The following ROPN1 variants were observed in gnomAD, a reference collection of about 807,000 sequenced individuals.
ROPN1 encodes ropporin-1A.
Under a neutral mutation model 20.5 loss-of-function variants are expected in ROPN1, and 14 were observed. The observed-to-expected ratio is 0.68, with a 90% confidence interval of 0.45 to 1.07. The LOEUF (loss-of-function observed/expected upper bound fraction) is 1.07. ROPN1 is among the 50% of genes least tolerant of loss of function. The pLI is 0.00. For missense variants in ROPN1, 169 were observed against 242.8 expected (o/e 0.70, Z 2.02); for synonymous variants, 76 against 95.7 (o/e 0.79, Z 1.20).
At chr3:123,976,820 A>T in intron 3 of ROPN1, 44 bp downstream of exon 3, 1 of 1,579,884 alleles carries the variant, frequency 6.3e-7, no homozygotes, top group Non-Finnish European at 8.6e-7. Flanking sequence ...CCCAGCCTCA[A>T]CACTGTCCCT....
intron 5 of ROPN1, among the ~76,000 whole-genome samples, chr3:123,969,726 C>T (rs1010863692): frequency 1.3e-5 from 2 of 152,206 alleles, no homozygotes; most frequent in African/African-American, 4.8e-5. Flanking sequence ...TACACAGATT[C>T]CTGGGCTCTG....
intron 1 of ROPN1, among the ~76,000 whole-genome samples, chr3:123,986,226 G>T (rs1467509812): frequency 6.6e-6 from 1 of 150,774 alleles, no homozygotes; most frequent in African/African-American, 2.4e-5. Context: ...AGTCAAAAAG[G>T]CCTATAGTCT....
At position 123,976,901 on chromosome 3, in the gene ROPN1, T is replaced by C. The variant is rs1559822978; in HGVS notation, c.197A>G (p.Glu66Gly). 1 of 1,613,978 alleles carries C rather than the reference T, an allele frequency of 6.2e-7. No individual in the cohort carries two copies. The highest frequency in any genetic ancestry group is 8.5e-7 in the Non-Finnish European group (1 of 1,180,018). ...SERVALCNRA[E>G]LTPELLKILH... ...GATCTTTAACAGCTCAGGTGTTAGC[T>C]CTGCCCGGTTACACAAAGCGACTCG... Residue 66 changes from glutamate (E) to glycine (G), a missense_variant, in exon 3 of 6, where the codon GAG becomes GGG. Coordinates refer to ENST00000405845, the MANE Select transcript of ROPN1 (RefSeq NM_001317774.2).
intron 1 of ROPN1, among the ~76,000 whole-genome samples, chr3:123,983,141 G>A (rs2148998925): frequency 6.6e-6 from 1 of 152,272 alleles, no homozygotes; most frequent in African/African-American, 2.4e-5. Flanking sequence ...TTTGCTAGAT[G>A]TACCACAATT....
At chr3:123,983,249 A>C (rs1321594244) in intron 1 of ROPN1, among the ~76,000 whole-genome samples, 1 of 152,150 alleles carries the variant, frequency 6.6e-6, no homozygotes, top group East Asian at 1.9e-4. Flanking sequence ...TATGTGTTCA[A>C]GTCCTTGCTT....
chr3:123,976,875 G>A lies in ROPN1; in HGVS notation c.223C>T (p.Leu75=), dbSNP rs371979565. 36 of 1,613,802 alleles carry A rather than the reference G, an allele frequency of 2.2e-5. No individual in the cohort carries two copies. The African/African-American group carries it at 2.5e-4, about 11-fold the overall frequency. Residue 75 remains leucine, a synonymous_variant, in exon 3 of 6, where the codon CTG becomes TTG. Coordinates refer to ENST00000405845, the MANE Select transcript of ROPN1 (RefSeq NM_001317774.2). ...AGCAGGGCCCTTACCTGAGAATGCA[G>A]GATCTTTAACAGCTCAGGTGTTAGC... The part of the protein sequence containing the change: ...AELTPELLKI[L]HSQVAGRLII...
intron 1 of ROPN1, among the ~76,000 whole-genome samples, chr3:123,989,860 C>G (rs1181916123): frequency 6.6e-6 from 1 of 152,184 alleles, no homozygotes; most frequent in African/African-American, 2.4e-5. Flanking sequence ...GCACCAAGCT[C>G]TGGGAAAGGT....
At chr3:123,971,508 C>G (rs552423025) in intron 4 of ROPN1, among the ~76,000 whole-genome samples, 2 of 152,158 alleles carry the variant, frequency 1.3e-5, no homozygotes, top group African/African-American at 4.8e-5. Flanking sequence ...CTCTCCTCTG[C>G]CCCTGGGGGT....
At chr3:123,991,681 C>T (rs2038413091) in intron 1 of ROPN1, among the ~76,000 whole-genome samples, 1 of 123,822 alleles carries the variant, frequency 8.1e-6, no homozygotes, top group South Asian at 3.2e-4. Context: ...CAACCACTGT[C>T]CTCCGGGTAA....
chr3:123,988,265 C>A (rs2038313828), intron 1 of ROPN1, among the ~76,000 whole-genome samples: 1 of 152,144 alleles, frequency 6.6e-6, no homozygotes, highest in Non-Finnish European at 1.5e-5. Flanking sequence ...CCTGCCTCAA[C>A]CTCCTGAATA....
intron 1 of ROPN1, among the ~76,000 whole-genome samples, chr3:123,985,157 A>G (rs1175008586): frequency 6.6e-6 from 1 of 152,218 alleles, no homozygotes; most frequent in African/African-American, 2.4e-5. Context: ...ATATTTGGAT[A>G]CTGTTTGGCA....
intron 1 of ROPN1, among the ~76,000 whole-genome samples, chr3:123,987,458 G>C (rs1044219167): frequency 8.5e-5 from 13 of 152,310 alleles, no homozygotes; most frequent in African/African-American, 2.4e-4. Context: ...TGTTCCACTT[G>C]TCTGCGTCTA....
intron 1 of ROPN1, among the ~76,000 whole-genome samples, chr3:123,982,342 T>A (rs572761373): frequency 6.6e-6 from 1 of 152,256 alleles, no homozygotes; most frequent in South Asian, 2.1e-4. Context: ...GGAAAAGCAA[T>A]ATATTGTTTC....
At chr3:123,978,412 T>G (rs968698912) in intron 2 of ROPN1, among the ~76,000 whole-genome samples, 38 of 152,318 alleles carry the variant, frequency 2.5e-4, no homozygotes, top group South Asian at 4.2e-4. Context: ...GTAACACTCA[T>G]CACCAACATC....
At chr3:123,974,388 A>G (rs919240788) in intron 4 of ROPN1, among the ~76,000 whole-genome samples, 3 of 152,226 alleles carry the variant, frequency 2.0e-5, no homozygotes, top group African/African-American at 7.2e-5. Flanking sequence ...GCTATAAAGG[A>G]CAATGAAGAA....
chr3:123,969,917 A>T, intron 5 of ROPN1, 125 bp downstream of exon 5: 1 of 920,332 alleles, frequency 1.1e-6, no homozygotes, highest in Non-Finnish European at 1.6e-6. Flanking sequence ...GATCATCCAT[A>T]TTTCATGTTT....
chr3:123,974,267 T>A (rs114988754), intron 4 of ROPN1, among the ~76,000 whole-genome samples: 3,338 of 152,290 alleles, frequency 0.022, 98 homozygotes, highest in African/African-American at 0.075. Context: ...AATATGTTCA[T>A]TTTTTATCTT....
At chr3:123,976,692 A>T (rs1273193613) in intron 3 of ROPN1, among the ~76,000 whole-genome samples, 172 bp downstream of exon 3, 1 of 152,200 alleles carries the variant, frequency 6.6e-6, no homozygotes, top group Non-Finnish European at 1.5e-5. Context: ...CCTATTTCAA[A>T]ATTATTCCCA....
intron 4 of ROPN1, among the ~76,000 whole-genome samples, chr3:123,971,742 A>G (rs535313911): frequency 3.4e-4 from 52 of 152,280 alleles, no homozygotes; most frequent in South Asian, 8.3e-4. Context: ...CTGTTTCTGT[A>G]AAAAACAAAC....
Sources: gnomAD v4.1 joint callset for allele counts (sites outside exome capture counted in the v4.1 genomes callset) on GRCh38, gnomAD v4.1.1 for gene constraint, MANE v1.5 for transcripts, NCBI Gene and HGNC (gene_info 2026-07-23, HGNC 2026-07-21) for gene names.